TACC1: variants seen among roughly 807,000 people sequenced by gnomAD.
The protein encoded by TACC1 is transforming acidic coiled-coil containing protein 1.
A neutral mutation model predicts 84.4 loss-of-function variants in TACC1; 48 were observed. The observed-to-expected ratio is 0.57, with a 90% confidence interval of 0.45 to 0.72. The LOEUF is 0.72. TACC1 is among the 30% of genes least tolerant of loss of function. The pLI, the probability that TACC1 is intolerant of heterozygous loss-of-function variation, is 0.00. For synonymous variants in TACC1, 372 were observed against 376.3 expected, an observed-to-expected ratio of 0.99 and a Z score of 0.13; for missense variants, 920 against 973.0, an observed-to-expected ratio of 0.95 and a Z score of 0.72.
intron 3 of TACC1, chr8:38,757,558 A>G (rs1237875836): frequency 9.2e-7 from 1 of 1,083,856 alleles, no homozygotes; most frequent in Non-Finnish European, 1.1e-6. Context: ...GCGGGGCACG[A>G]GAGTTTGGCC....
intron 2 of TACC1, among the ~76,000 whole-genome samples, chr8:38,794,528 G>A (rs1819516137): frequency 1.3e-5 from 2 of 151,192 alleles, no homozygotes; most frequent in South Asian, 4.2e-4. Context: ...TGTATTTTTA[G>A]AATGTTTTAG....
intron 2 of TACC1, among the ~76,000 whole-genome samples, chr8:38,811,133 A>G (rs1265653890): frequency 6.6e-6 from 1 of 152,020 alleles, no homozygotes; most frequent in Non-Finnish European, 1.5e-5. Context: ...TAAATAAAGT[A>G]TAACAATGTA....
At chr8:38,776,923 C>T (rs1814910055) in intron 3 of TACC1, among the ~76,000 whole-genome samples, 1 of 152,102 alleles carries the variant, frequency 6.6e-6, no homozygotes, top group Admixed American at 6.6e-5. Context: ...GATGAGGCTG[C>T]TGTTACAAAG....
chr8:38,804,597 G>T (rs1267632403), intron 2 of TACC1, among the ~76,000 whole-genome samples: 1 of 152,060 alleles, frequency 6.6e-6, no homozygotes, highest in African/African-American at 2.4e-5. Flanking sequence ...CACTGTGCCC[G>T]GCCTGTTGCA....
chr8:38,836,094 T>C, intron 6 of TACC1, 68 bp from the exon 7 acceptor site: 1 of 1,587,736 alleles, frequency 6.3e-7, no homozygotes, highest in Non-Finnish European at 8.6e-7. Context: ...AATGAGGAAG[T>C]TGTTGAAGGA....
chr8:38,828,019 C>T (rs1828485401), intron 5 of TACC1: 1 of 152,906 alleles, frequency 6.5e-6, no homozygotes, highest in Admixed American at 6.5e-5. Flanking sequence ...CATTAGGCCT[C>T]ACTTCCAACT....
At chr8:38,786,391 T>C (rs1817141495), upstream of TACC1, among the ~76,000 whole-genome samples, 2 of 152,034 alleles carry the variant, frequency 1.3e-5, no homozygotes, top group South Asian at 4.1e-4. Flanking sequence ...ACTTAGAAGT[T>C]ACGAAAAGAA....
At chr8:38,799,935 A>G (rs895424966) in intron 2 of TACC1, 2 of 152,274 alleles carry the variant, frequency 1.3e-5, no homozygotes, top group Non-Finnish European at 2.9e-5. Flanking sequence ...TGGGAGGCCA[A>G]AGCAGGAGGA....
At chr8:38,733,787 G>A (rs961361928) in intron 1 of TACC1, among the ~76,000 whole-genome samples, 2 of 151,948 alleles carry the variant, frequency 1.3e-5, no homozygotes, top group African/African-American at 2.4e-5. Context: ...GGAAAGCCTC[G>A]AGGCTCTTAA....
At chr8:38,806,571 G>A (rs1822784451) in intron 2 of TACC1, among the ~76,000 whole-genome samples, 1 of 152,124 alleles carries the variant, frequency 6.6e-6, no homozygotes, top group African/African-American at 2.4e-5. Context: ...GCTAGGTTGA[G>A]GATGGGGTCC....
At chr8:38,817,327 T>C (rs1458542886) in intron 2 of TACC1, among the ~76,000 whole-genome samples, 1 of 152,220 alleles carries the variant, frequency 6.6e-6, no homozygotes, top group African/African-American at 2.4e-5. Flanking sequence ...CAATAACACA[T>C]TTATAACAGT....
intron 8 of TACC1, 55 bp downstream of exon 8, chr8:38,838,601 G>T: frequency 7.2e-7 from 1 of 1,398,550 alleles, no homozygotes; most frequent in South Asian, 1.2e-5. Flanking sequence ...TGTTAGATTT[G>T]ATACAGATGA....
At chr8:38,845,400 G>A (rs546364666) in intron 11 of TACC1, among the ~76,000 whole-genome samples, 3 of 152,126 alleles carry the variant, frequency 2.0e-5, no homozygotes, top group Admixed American at 2.0e-4. Context: ...TTATACGTAG[G>A]TTTATTGTAT....
intron 3 of TACC1, among the ~76,000 whole-genome samples, chr8:38,746,284 A>G (rs1268033098): frequency 6.6e-6 from 1 of 152,152 alleles, no homozygotes. Context: ...GAAGAGCCAA[A>G]TGGAAAGCCC....
intron 2 of TACC1, among the ~76,000 whole-genome samples, chr8:38,797,777 C>T (rs1820327923): frequency 6.6e-6 from 1 of 152,242 alleles, no homozygotes. Context: ...TCCCAGATCT[C>T]TGCACAGGAG....
intron 3 of TACC1, chr8:38,824,670 A>G (rs1335003192): frequency 6.6e-6 from 1 of 152,658 alleles, no homozygotes; most frequent in Non-Finnish European, 1.5e-5. Context: ...GTTGTGTGCT[A>G]ATCTACAAAT....
Position 38,819,946 on chromosome 8 carries a change from G to T in TACC1, c.702G>T (p.Lys234Asn). 1 of 1,614,178 alleles carries T rather than the reference G, an allele frequency of 6.2e-7. No individual in the cohort carries two copies. ...PSRRSKLRKP[K>N]PVPLRKKAIG... The stretch of plus-strand genomic sequence containing the variant: ...GAAGAAGCAAGCTGAGAAAGCCCAA[G>T]CCTGTCCCCCTGAGGAAGAAAGCAA... The change falls in exon 3 of 13, where the codon AAG becomes AAT. Residue 234 changes from lysine (K) to asparagine (N), a missense_variant. By Grantham distance (94) the Lys-to-Asn change is moderately conservative (BLOSUM62 0). Coordinates refer to ENST00000317827, the MANE Select transcript of TACC1 (RefSeq NM_006283.3).
intron 3 of TACC1, among the ~76,000 whole-genome samples, chr8:38,776,795 C>T (rs879260280): frequency 1.3e-5 from 2 of 152,148 alleles, no homozygotes; most frequent in African/African-American, 2.4e-5. Context: ...AAGGAACTTT[C>T]ATGTAATCCT....
rs182031445 is a variant in TACC1 at position 38,838,327 on chromosome 8, G to A, written c.1840-143G>A. 280 of 581,840 alleles carry A rather than the reference G, an allele frequency of 4.8e-4. 1 individual carries two copies. Among genetic ancestry groups the A allele is most frequent in the Non-Finnish European group, 2.5e-4 (82 of 328,066 alleles). 36.0% of individuals were successfully genotyped at this position (581,840 alleles called of 1,614,324 possible). On this transcript the variant is annotated intron_variant, in intron 7 of 12. Coordinates refer to ENST00000317827, the MANE Select transcript of TACC1 (RefSeq NM_006283.3). ...GGCTTAGAATACACTTTTCCAAATGGTTACAAACATTTAATATTGAAGTTT... is the reference window on the plus strand; with the variant it reads ...GGCTTAGAATACACTTTTCCAAATGATTACAAACATTTAATATTGAAGTTT...
Sources: allele counts gnomAD v4.1 joint callset (sites outside exome capture counted in the v4.1 genomes callset), GRCh38; gene constraint gnomAD v4.1.1; transcripts MANE v1.5; gene names NCBI Gene and HGNC (gene_info 2026-07-23, HGNC 2026-07-21).